The following SVOP variants were observed in gnomAD, a reference collection of about 807,000 sequenced individuals.
The protein encoded by SVOP is synaptic vesicle 2-related protein.
A neutral mutation model predicts 69.1 loss-of-function variants in SVOP; 17 were observed. The observed-to-expected ratio is 0.25, with a 90% CI of 0.17 to 0.37. The LOEUF (loss-of-function observed/expected upper bound fraction) is 0.37, where lower values mean the gene tolerates loss of function less well. SVOP is among the 10% of genes least tolerant of loss of function. The pLI, the probability that SVOP is intolerant of heterozygous loss-of-function variation, is 1.00. For synonymous variants in SVOP, 238 were observed against 238.6 expected (o/e 1.00, Z 0.02); for missense variants, 435 against 597.5 (o/e 0.73, Z 2.84).
chr12:108,919,796 G>T lies in SVOP; in HGVS notation c.1157-10C>A. ...AGAGTCACAAGGACACCTGGAAGGG[G>T]AGTGGGGAGAGATAGGCAGCTTCCG... On this transcript the variant is annotated splice_polypyrimidine_tract_variant and intron_variant, in intron 12 of 15. Transcript: ENST00000610966. 6.4e-7 allele frequency: 1 copy of T among 1,567,062 alleles called. No individual in the cohort carries two copies. Among genetic ancestry groups the T allele is most frequent in the South Asian group, 1.2e-5 (1 of 85,800 alleles).
At chr12:109,016,744 C>CT (rs34685990) in intron 1 of SVOP, among the ~76,000 whole-genome samples, 3,491 of 133,450 alleles carry the variant, frequency 0.026, 66 homozygotes, top group Non-Finnish European at 0.038. Context: ...TGCATTAGTT[C>CT]TTTTTTTTTT....
At chr12:108,979,197 A>C (rs1163322096) in intron 2 of SVOP, among the ~76,000 whole-genome samples, 19 of 149,250 alleles carry the variant, frequency 1.3e-4, no homozygotes. Flanking sequence ...TCTTCCTTTT[A>C]CAATGTATTA....
chr12:109,017,922 A>G (rs921242731), intron 1 of SVOP, among the ~76,000 whole-genome samples: 1 of 152,130 alleles, frequency 6.6e-6, no homozygotes, highest in Non-Finnish European at 1.5e-5. Context: ...TACAAAATGC[A>G]TACTTTAAAT....
At chr12:108,915,998 G>A in intron 14 of SVOP, 126 bp from the exon 15 acceptor site, 4 of 867,288 alleles carry the variant, frequency 4.6e-6, no homozygotes, top group Non-Finnish European at 6.8e-6. Flanking sequence ...CAGTGCTGGT[G>A]ACGCCCTTAA....
intron 1 of SVOP, among the ~76,000 whole-genome samples, chr12:109,012,392 A>G (rs1435035533): frequency 6.6e-6 from 1 of 152,080 alleles, no homozygotes; most frequent in Non-Finnish European, 1.5e-5. Context: ...GAAAATTGCT[A>G]AGAAAGGAGA....
At chr12:108,938,748 T>C in intron 9 of SVOP, 79 bp downstream of exon 9, 1 of 1,597,550 alleles carries the variant, frequency 6.3e-7, no homozygotes, top group Non-Finnish European at 8.6e-7. Flanking sequence ...CTCGCATGCA[T>C]GCCCTACTCC....
intron 11 of SVOP, among the ~76,000 whole-genome samples, chr12:108,931,696 T>C (rs950362045): frequency 2.6e-5 from 4 of 152,018 alleles, no homozygotes; most frequent in African/African-American, 9.7e-5. Flanking sequence ...TAGCTGGGCG[T>C]GATGGCGGTC....
At chr12:108,978,994 A>G (rs2040121503) in intron 2 of SVOP, among the ~76,000 whole-genome samples, 1 of 152,242 alleles carries the variant, frequency 6.6e-6, no homozygotes, top group African/African-American at 2.4e-5. Context: ...AGAAAGATAC[A>G]CAAAGTATAT....
At chr12:109,011,174 A>G (rs1193482872) in intron 1 of SVOP, among the ~76,000 whole-genome samples, 1 of 151,112 alleles carries the variant, frequency 6.6e-6, no homozygotes, top group Admixed American at 6.6e-5. Context: ...ATTGGCCCCC[A>G]CCAAAGTGCT....
chr12:108,921,683 C>T (rs2039749113), intron 12 of SVOP, among the ~76,000 whole-genome samples: 1 of 152,144 alleles, frequency 6.6e-6, no homozygotes. Flanking sequence ...CTTCCAGCTA[C>T]CTTGCTTGCT....
intron 15 of SVOP, 31 bp downstream of exon 15, chr12:108,915,752 C>T: frequency 6.3e-7 from 1 of 1,576,562 alleles, no homozygotes. Flanking sequence ...TTGTCACCCC[C>T]CATCCCTCTG....
intron 5 of SVOP, among the ~76,000 whole-genome samples, chr12:108,963,607 C>T (rs1054763839): frequency 6.6e-6 from 1 of 152,150 alleles, no homozygotes; most frequent in Non-Finnish European, 1.5e-5. Context: ...CCTGCCTCAG[C>T]CTCTGAGTAG....
intron 1 of SVOP, among the ~76,000 whole-genome samples, chr12:108,998,506 T>C (rs1199778115): frequency 6.6e-6 from 1 of 151,660 alleles, no homozygotes; most frequent in Admixed American, 6.6e-5. Flanking sequence ...AGACACATAA[T>C]TGTCAGATTC....
intron 7 of SVOP, among the ~76,000 whole-genome samples, chr12:108,943,500 G>C (rs559930831): frequency 1.3e-5 from 2 of 151,738 alleles, no homozygotes; most frequent in African/African-American, 4.8e-5. Flanking sequence ...TCAGGAGGCC[G>C]AGGCAGAGAA....
At chr12:108,940,512 T>G (rs939145503) in intron 8 of SVOP, among the ~76,000 whole-genome samples, 1 of 152,198 alleles carries the variant, frequency 6.6e-6, no homozygotes, top group African/African-American at 2.4e-5. Flanking sequence ...ATACAATCAC[T>G]TTAAGTGTAG....
In SVOP at chr12:109,003,315, G is replaced by T. The variant is rs567817539; in HGVS notation, c.35+17519C>A. Among the ~76,000 whole-genome samples the T allele has an allele frequency of 9.2e-5, 14 of 152,276 alleles. No individual in the cohort carries two copies. The South Asian group carries it at 1.5e-3, about 16-fold the overall frequency. On this transcript the variant is annotated intron_variant, in intron 1 of 15. Coordinates refer to ENST00000610966, the MANE Select transcript of SVOP (RefSeq NM_018711.5). The stretch of plus-strand genomic sequence containing the variant: ...GACATTTTTAACCTGGGCATCTACT[G>T]CTCTTATTATAAATATACATAACAA...
chr12:109,001,742 A>T (rs2040271399), intron 1 of SVOP, among the ~76,000 whole-genome samples: 1 of 150,136 alleles, frequency 6.7e-6, no homozygotes, highest in African/African-American at 2.5e-5. Context: ...GTGCTGGGAA[A>T]ACTGGCTAGC....
chr12:108,986,031 G>T (rs1016957836), intron 1 of SVOP, among the ~76,000 whole-genome samples: 3 of 152,186 alleles, frequency 2.0e-5, no homozygotes, highest in Admixed American at 2.0e-4. Context: ...TGTCAGGCTC[G>T]TCTTGGCAGG....
At chr12:108,949,435 T>A (rs1444391660) in intron 6 of SVOP, among the ~76,000 whole-genome samples, 1 of 151,880 alleles carries the variant, frequency 6.6e-6, no homozygotes, top group African/African-American at 2.4e-5. Flanking sequence ...GCCCAGCTAA[T>A]TTTTTTGTAT....
Sources: gnomAD v4.1 joint callset for allele counts (sites outside exome capture counted in the v4.1 genomes callset) on GRCh38, gnomAD v4.1.1 for gene constraint, MANE v1.5 for transcripts, NCBI Gene and HGNC (gene_info 2026-07-23, HGNC 2026-07-21) for gene names.